The following CYP20A1 variants were observed in gnomAD, a reference collection of about 807,000 sequenced individuals.
CYP20A1 encodes cytochrome P450 family 20 subfamily A member 1, also known as cytochrome P450 20A1.
A neutral mutation model predicts 61.4 loss-of-function variants in CYP20A1; 61 were observed. That is an observed-to-expected ratio of 0.99 (90% CI 0.81 to 1.23). The LOEUF is 1.23. CYP20A1 is among the 50% of genes most tolerant of loss of function. The pLI, the probability that CYP20A1 is intolerant of heterozygous loss-of-function variation, is 0.00. For missense variants in CYP20A1, 530 were observed against 542.4 expected, an observed-to-expected ratio of 0.98 and a Z score of 0.23; for synonymous variants, 193 against 188.2, an observed-to-expected ratio of 1.03 and a Z score of -0.21.
rs1216740191 is a variant in CYP20A1, at chr2:203,304,216, A to G, written c.*7308A>G. Among the ~76,000 whole-genome samples, 2 of 146,922 alleles carry G rather than the reference A, an allele frequency of 1.4e-5. No individual in the cohort carries two copies. Among genetic ancestry groups the G allele is most frequent in the African/African-American group, 4.9e-5 (2 of 40,954 alleles). ...GACAGAGTGAGACTCCATAGGTCTCAGCCAGACTCTGGAGGTCTCAGCCCA... is the reference window on the plus strand; with the variant it reads ...GACAGAGTGAGACTCCATAGGTCTCGGCCAGACTCTGGAGGTCTCAGCCCA... On this transcript the variant is annotated 3_prime_UTR_variant, in exon 13 of 13. Coordinates refer to ENST00000356079, the MANE Select transcript of CYP20A1 (RefSeq NM_177538.3).
intron 5 of CYP20A1, among the ~76,000 whole-genome samples, chr2:203,269,540 G>A (rs2067475967): frequency 6.7e-6 from 1 of 149,222 alleles, no homozygotes; most frequent in African/African-American, 2.5e-5. Context: ...TATCGCACAG[G>A]CTAGAATGCA....
At chr2:203,290,282 T>C (rs1279930709) in intron 10 of CYP20A1, among the ~76,000 whole-genome samples, 2 of 152,158 alleles carry the variant, frequency 1.3e-5, no homozygotes, top group Non-Finnish European at 2.9e-5. Flanking sequence ...AAATAAATGC[T>C]ACCCATTATT....
In CYP20A1 at chr2:203,285,514, T is replaced by G. The variant is rs529124905; in HGVS notation, c.851-98T>G. ...TATATCATGGGAGAAAAAAAGCAAATACAAAAATCCCACCCTAAATAAGTA... is the reference window on the plus strand; with the variant it reads ...TATATCATGGGAGAAAAAAAGCAAAGACAAAAATCCCACCCTAAATAAGTA... On this transcript the variant is annotated intron_variant, in intron 8 of 12. Transcript: ENST00000356079. The G allele has an allele frequency of 5.5e-5, 75 of 1,351,702 alleles. No individual in the cohort carries two copies. The East Asian group carries it at 1.8e-3, about 32-fold the overall frequency. The allele number at this position is 1,351,702 out of a possible 1,614,324, so 83.7% of individuals were successfully genotyped here.
At chr2:203,274,249 G>A (rs918642120) in intron 6 of CYP20A1, among the ~76,000 whole-genome samples, 8 of 150,506 alleles carry the variant, frequency 5.3e-5, no homozygotes, top group South Asian at 2.1e-4. Flanking sequence ...GCAGTGGTGC[G>A]GTCACGGCTC....
intron 8 of CYP20A1, among the ~76,000 whole-genome samples, chr2:203,281,182 T>TA (rs1403116085): frequency 3.3e-5 from 5 of 152,090 alleles, no homozygotes; most frequent in African/African-American, 1.2e-4. Context: ...TCAATAGGCA[T>TA]AAAAATACAC....
At position 203,297,424 on chromosome 2, in the gene CYP20A1, G is replaced by T. The variant is rs1361645582; in HGVS notation, c.*516G>T. 6.5e-6 allele frequency: 1 copy of T among 153,340 alleles called. No homozygotes were observed. The highest frequency in any genetic ancestry group is 1.4e-5 in the Non-Finnish European group (1 of 69,062). 9.5% of individuals were successfully genotyped at this position (153,340 alleles called of 1,614,324 possible). On this transcript the variant is annotated 3_prime_UTR_variant, in exon 13 of 13. Transcript: ENST00000356079. ...TCTCTACTAAAAATACAAAACATTG[G>T]CCGGGAGTGGTGGCTCATGCCTGTA...
intron 11 of CYP20A1, among the ~76,000 whole-genome samples, chr2:203,293,503 G>A (rs1391582909): frequency 2.8e-5 from 2 of 70,592 alleles, no homozygotes; most frequent in African/African-American, 7.7e-5. Context: ...CACTGCGCCC[G>A]GCCTCTTTTT....
intron 6 of CYP20A1, 45 bp from the exon 7 acceptor site, chr2:203,278,528 C>A: frequency 1.1e-6 from 1 of 885,208 alleles, no homozygotes; most frequent in Non-Finnish European, 1.8e-6. Context: ...AGTTCAGTCT[C>A]CACTAATGCT....
At chr2:203,276,279 A>G (rs2067817076) in intron 6 of CYP20A1, among the ~76,000 whole-genome samples, 1 of 152,156 alleles carries the variant, frequency 6.6e-6, no homozygotes, top group South Asian at 2.1e-4. Flanking sequence ...TGGGTTTTGT[A>G]TGGCTTACAG....
intron 6 of CYP20A1, among the ~76,000 whole-genome samples, chr2:203,275,415 A>G (rs558867246): frequency 6.6e-6 from 1 of 152,052 alleles, no homozygotes; most frequent in Non-Finnish European, 1.5e-5. Flanking sequence ...TAGTGTTAAT[A>G]ATTTCTTATT....
chr2:203,263,287 CTT>C (rs78877357), intron 4 of CYP20A1, among the ~76,000 whole-genome samples: 8 of 134,678 alleles, frequency 5.9e-5, no homozygotes, highest in African/African-American at 8.3e-5. Flanking sequence ...CTGCGCCTGG[CTT>C]TTTTTTTTTT....
At chr2:203,279,325 A>G (rs2067952869) in intron 7 of CYP20A1, among the ~76,000 whole-genome samples, 1 of 152,188 alleles carries the variant, frequency 6.6e-6, no homozygotes, top group Admixed American at 6.5e-5. Context: ...TCTATTATTT[A>G]GCTCTTTGAG....
rs753706471 is a variant in CYP20A1, at chr2:203,245,901, T to C, written c.122+6T>C. Reference sequence around the variant, plus strand: ...ATTACTCCAACTGAAGAAAAGTGAGTAATTATTTTCTTGGAATTAAGTAGA... The same window carrying C: ...ATTACTCCAACTGAAGAAAAGTGAGCAATTATTTTCTTGGAATTAAGTAGA... On this transcript the variant is annotated splice_donor_region_variant and intron_variant, in intron 2 of 12. Coordinates refer to ENST00000356079, the MANE Select transcript of CYP20A1 (RefSeq NM_177538.3). The C allele has an allele frequency of 9.5e-6, 15 of 1,572,974 alleles. No individual in the cohort carries two copies. In the Admixed American group the frequency reaches 1.9e-4, roughly 20 times the overall value.
At chr2:203,279,010 G>T (rs1398667745) in intron 7 of CYP20A1, among the ~76,000 whole-genome samples, 1 of 152,070 alleles carries the variant, frequency 6.6e-6, no homozygotes, top group Non-Finnish European at 1.5e-5. Context: ...ATGTCGCCCG[G>T]CTGGAGTGCA....
chr2:203,268,540 G>A (rs1464710292), intron 5 of CYP20A1, among the ~76,000 whole-genome samples: 1 of 151,630 alleles, frequency 6.6e-6, no homozygotes, highest in Non-Finnish European at 1.5e-5. Context: ...ACTAAAAGCT[G>A]TCAAAGGAAA....
In CYP20A1 at chr2:203,297,959, TG is replaced by T. The variant is rs2068879366; in HGVS notation, c.*1054del. On this transcript the variant is annotated 3_prime_UTR_variant, in exon 13 of 13. Coordinates refer to ENST00000356079, the MANE Select transcript of CYP20A1 (RefSeq NM_177538.3). Reference sequence around the variant, plus strand: ...GAGATTGCACCCCTGCACTCCAGCCTGGGCCACAGAGCAAGACTCTGTCTCA... The same window carrying T: ...GAGATTGCACCCCTGCACTCCAGCCTGGCCACAGAGCAAGACTCTGTCTCA... 6.6e-6 allele frequency: 1 copy of T among 152,196 alleles called. No homozygotes were observed. 9.4% of individuals were successfully genotyped at this position (152,196 alleles called of 1,614,324 possible).
chr2:203,261,212 A>T (rs1426822581), intron 4 of CYP20A1, among the ~76,000 whole-genome samples: 3 of 150,960 alleles, frequency 2.0e-5, no homozygotes, highest in African/African-American at 7.3e-5. Flanking sequence ...CTACAAAAAT[A>T]AAAAAAAATA....
In CYP20A1 at chr2:203,300,907, A is replaced by C. The variant is rs539003505; in HGVS notation, c.*3999A>C. Among the ~76,000 whole-genome samples, 10 of 148,898 alleles carry C rather than the reference A, an allele frequency of 6.7e-5. No individual in the cohort carries two copies. The highest frequency in any genetic ancestry group is 2.1e-4 in the South Asian group (1 of 4,716). Reference sequence around the variant, plus strand: ...TCCGTCTCAGAAAAAAAAAAAAAAAAAAAAAACGGCCAGGCGAGGTGGCTC... The same window carrying C: ...TCCGTCTCAGAAAAAAAAAAAAAAACAAAAAACGGCCAGGCGAGGTGGCTC... On this transcript the variant is annotated 3_prime_UTR_variant, in exon 13 of 13. Coordinates refer to ENST00000356079, the MANE Select transcript of CYP20A1 (RefSeq NM_177538.3).
intron 1 of CYP20A1, among the ~76,000 whole-genome samples, chr2:203,241,472 A>G (rs1041684676): frequency 2.6e-5 from 4 of 152,170 alleles, no homozygotes; most frequent in African/African-American, 4.8e-5. Context: ...GGTCCCAGGG[A>G]CCATTCCCTG....
Sources: gnomAD v4.1 joint callset for allele counts (sites outside exome capture counted in the v4.1 genomes callset) on GRCh38, gnomAD v4.1.1 for gene constraint, MANE v1.5 for transcripts, NCBI Gene and HGNC (gene_info 2026-07-23, HGNC 2026-07-21) for gene names.